DUS2: variants seen among roughly 807,000 people sequenced by gnomAD.
DUS2 encodes the protein tRNA-dihydrouridine(20) synthase [NAD(P)+]-like.
In DUS2, 52 loss-of-function variants were observed where a neutral mutation model predicts 71.3. The ratio of observed to expected loss-of-function variants is 0.73; its 90% CI spans 0.58 to 0.92. The LOEUF is 0.92. Ranked by LOEUF, DUS2 falls within the 40% of genes least tolerant of loss-of-function variation. The pLI is 0.00. For synonymous variants in DUS2, 204 were observed against 227.8 expected (o/e 0.90, Z 0.94); for missense variants, 558 against 622.6 (o/e 0.90, Z 1.10).
At chr16:68,066,170 G>A (rs1325217144) in intron 8 of DUS2, 147 bp from the exon 9 acceptor site, 3 of 766,978 alleles carry the variant, frequency 3.9e-6, no homozygotes, top group Admixed American at 1.8e-5. Context: ...ATGTGTGTAT[G>A]TGTGTAACAG....
At chr16:68,035,048 C>T (rs947851473) in intron 2 of DUS2, among the ~76,000 whole-genome samples, 9 of 147,104 alleles carry the variant, frequency 6.1e-5, no homozygotes, top group Admixed American at 1.4e-4. Context: ...TTCTTTGGGA[C>T]GTGAGATTCT....
At chr16:68,064,793 C>G (rs894480091) in intron 8 of DUS2, among the ~76,000 whole-genome samples, 1 of 152,244 alleles carries the variant, frequency 6.6e-6, no homozygotes, top group Non-Finnish European at 1.5e-5. Context: ...CATGAACTGT[C>G]TGTCAGTCCA....
chr16:68,042,246 T>C (rs1425437517), intron 3 of DUS2, among the ~76,000 whole-genome samples: 5 of 152,232 alleles, frequency 3.3e-5, no homozygotes, highest in African/African-American at 9.6e-5. Flanking sequence ...TATATCACAC[T>C]TGGTTTATCC....
intron 7 of DUS2, among the ~76,000 whole-genome samples, chr16:68,059,988 T>C (rs992660962): frequency 6.6e-6 from 1 of 152,100 alleles, no homozygotes; most frequent in Non-Finnish European, 1.5e-5. Context: ...TTGGTTAGAG[T>C]TGGGCATGGG....
intron 10 of DUS2, among the ~76,000 whole-genome samples, chr16:68,066,838 A>G (rs2034011978): frequency 6.6e-6 from 1 of 152,126 alleles, no homozygotes; most frequent in Non-Finnish European, 1.5e-5. Context: ...TCTTTCATTC[A>G]TGGAGTGCCT....
chr16:68,032,591 G>T (rs1227959727), intron 2 of DUS2, among the ~76,000 whole-genome samples: 1 of 152,230 alleles, frequency 6.6e-6, no homozygotes, highest in African/African-American at 2.4e-5. Flanking sequence ...GGGCATGCAT[G>T]ACTGAGTTGG....
chr16:68,076,867 C>A, intron 15 of DUS2, 148 bp downstream of exon 15: 1 of 559,402 alleles, frequency 1.8e-6, no homozygotes, highest in Non-Finnish European at 3.1e-6. Context: ...GCTGATAGCC[C>A]TCCCCTCTTA....
At chr16:68,027,518 C>T (rs570934483) in intron 2 of DUS2, among the ~76,000 whole-genome samples, 2 of 152,342 alleles carry the variant, frequency 1.3e-5, no homozygotes, top group African/African-American at 4.8e-5. Flanking sequence ...GCTGGGATTA[C>T]AGGCGTGAGC....
intron 8 of DUS2, among the ~76,000 whole-genome samples, chr16:68,066,015 T>G (rs1349643403): frequency 6.6e-6 from 1 of 152,186 alleles, no homozygotes; most frequent in Admixed American, 6.5e-5. Context: ...TGGCAAAGGC[T>G]CAGTGAGCTG....
In DUS2 at chr16:68,061,100, A is replaced by T. The variant is rs778546604; in HGVS notation, c.404A>T (p.Asp135Val). Residue 135 changes from aspartate (D) to valine (V), a missense_variant, in exon 8 of 17, where the codon GAC (aspartate) becomes GTC (valine). Asp to Val is a radical substitution (Grantham distance 152). Coordinates refer to ENST00000565263, the MANE Select transcript of DUS2 (RefSeq NM_017803.5). The stretch of plus-strand genomic sequence containing the variant: ...GGAGCTGCCCTGCTGTCAGACCCTG[A>T]CAAGATTGAGAAGGTAAGTCCTCCA... ...GMGAALLSDP[D>V]KIEKILSTLV... 6.2e-7 allele frequency: 1 copy of T among 1,614,020 alleles called. No individual in the cohort carries two copies. The highest frequency in any genetic ancestry group is 1.3e-5 in the African/African-American group (1 of 74,924).
rs530676304 is a variant in DUS2, at chr16:68,054,704, C to G, written c.308+87C>G. 14 of 1,481,300 alleles carry G rather than the reference C, an allele frequency of 9.5e-6. No individual in the cohort carries two copies. The South Asian group carries it at 1.0e-4, about 11-fold the overall frequency. The allele number at this position is 1,481,300 out of a possible 1,614,324, so 91.8% of individuals were successfully genotyped here. The stretch of plus-strand genomic sequence containing the variant: ...TGTCCTGGTGACTTTGTAGGTGACT[C>G]ACCCTTCTGCCTTCTAGCCCATTAC... On this transcript the variant is annotated intron_variant, in intron 6 of 16. Transcript: ENST00000565263.
chr16:68,047,783 GT>G (rs36087080), intron 3 of DUS2, among the ~76,000 whole-genome samples: 17,447 of 137,462 alleles, frequency 0.13, 1,021 homozygotes, highest in South Asian at 0.2. Context: ...GTGCTGGCGT[GT>G]TTTTTTTTTT....
At chr16:68,063,068 G>C (rs1027771076) in intron 8 of DUS2, among the ~76,000 whole-genome samples, 1 of 152,176 alleles carries the variant, frequency 6.6e-6, no homozygotes, top group Non-Finnish European at 1.5e-5. Context: ...CCAGGCTGTT[G>C]GCTCTGTCCT....
At chr16:68,041,885 A>G (rs1048667444) in intron 3 of DUS2, among the ~76,000 whole-genome samples, 2 of 152,012 alleles carry the variant, frequency 1.3e-5, no homozygotes, top group Non-Finnish European at 2.9e-5. Context: ...AAAACATACA[A>G]GATTTACTGT....
chr16:68,040,561 T>C (rs2033608161), intron 3 of DUS2, among the ~76,000 whole-genome samples: 1 of 152,210 alleles, frequency 6.6e-6, no homozygotes, highest in Non-Finnish European at 1.5e-5. Context: ...CTGTTAGCAT[T>C]GTTTGATGTG....
At chr16:68,059,517 G>A (rs968033787) in intron 7 of DUS2, among the ~76,000 whole-genome samples, 2 of 152,124 alleles carry the variant, frequency 1.3e-5, no homozygotes, top group Non-Finnish European at 2.9e-5. Flanking sequence ...GGCCTTCAAG[G>A]TTTCTTTTAT....
At chr16:68,076,607 C>T (rs750773499) in intron 14 of DUS2, 25 bp from the exon 15 acceptor site, 1 of 1,593,184 alleles carries the variant, frequency 6.3e-7, no homozygotes, top group Non-Finnish European at 8.6e-7. Context: ...TGGGTGACCC[C>T]AACTGCTTCC....
At chr16:68,024,050 T>C (rs2033302718) in intron 1 of DUS2, 1 of 161,064 alleles carries the variant, frequency 6.2e-6, no homozygotes, top group Non-Finnish European at 1.5e-5. Flanking sequence ...ATATTTTACC[T>C]GAATTCAGAT....
chr16:68,062,717 T>C (rs2033956804), intron 8 of DUS2, among the ~76,000 whole-genome samples: 1 of 74,978 alleles, frequency 1.3e-5, no homozygotes, highest in Admixed American at 1.8e-4. Flanking sequence ...AGACTCCGTC[T>C]CAAAAAAAAA....
Sources: gnomAD v4.1 joint callset for allele counts (sites outside exome capture counted in the v4.1 genomes callset) on GRCh38, gnomAD v4.1.1 for gene constraint, MANE v1.5 for transcripts, NCBI Gene and HGNC (gene_info 2026-07-23, HGNC 2026-07-21) for gene names.